The following PRUNE1 variants were observed in gnomAD, a reference collection of about 807,000 sequenced individuals.
PRUNE1 encodes exopolyphosphatase PRUNE1.
PRUNE1 carries 25 observed loss-of-function variants against 42.5 expected under a neutral mutation model. The ratio of observed to expected loss-of-function variants is 0.59; its 90% CI spans 0.43 to 0.82. PRUNE1 has a LOEUF of 0.82. PRUNE1 is among the 40% of genes least tolerant of loss of function. PRUNE1 has a pLI of 0.00. For missense variants in PRUNE1, 443 were observed against 539.3 expected (o/e 0.82, Z 1.77); for synonymous variants, 203 against 217.1 (o/e 0.93, Z 0.57).
intron 1 of PRUNE1, among the ~76,000 whole-genome samples, chr1:151,015,633 CAA>C (rs34251388): frequency 2.2e-3 from 195 of 86,854 alleles, no homozygotes; most frequent in African/African-American, 4.4e-3. Flanking sequence ...GACTCCATCT[CAA>C]AAAAAAAAAA....
chr1:151,013,277 T>G (rs982052877), intron 1 of PRUNE1, among the ~76,000 whole-genome samples: 1 of 152,110 alleles, frequency 6.6e-6, no homozygotes, highest in Admixed American at 6.6e-5. Context: ...GGGGTGACAG[T>G]GGGTGTTGAC....
chr1:151,020,266 C>G (rs1240972475), intron 3 of PRUNE1, among the ~76,000 whole-genome samples: 1 of 150,504 alleles, frequency 6.6e-6, no homozygotes, highest in African/African-American at 2.4e-5. Flanking sequence ...AATCTATAAA[C>G]ATAGTGTGAC....
intron 3 of PRUNE1, among the ~76,000 whole-genome samples, chr1:151,022,475 C>A (rs1222178188): frequency 2.1e-5 from 3 of 145,162 alleles, no homozygotes; most frequent in Admixed American, 7.1e-5. Context: ...CTGGAGTGCA[C>A]TGGCGCGATC....
chr1:151,028,499 C>T (rs587711154), intron 6 of PRUNE1, among the ~76,000 whole-genome samples: 2 of 152,300 alleles, frequency 1.3e-5, no homozygotes, highest in South Asian at 4.1e-4. Flanking sequence ...TCTCAGCTCA[C>T]TGCAACTTCC....
chr1:151,024,410 G>T (rs1404843651), intron 3 of PRUNE1, among the ~76,000 whole-genome samples: 1 of 151,860 alleles, frequency 6.6e-6, no homozygotes, highest in Non-Finnish European at 1.5e-5. Context: ...CAGGAGAATC[G>T]CTTGAACCCG....
intron 3 of PRUNE1, 111 bp from the exon 4 acceptor site, chr1:151,024,500 A>G: frequency 9.1e-7 from 1 of 1,097,394 alleles, no homozygotes; most frequent in Non-Finnish European, 1.3e-6. Flanking sequence ...CGTCTCAAAA[A>G]AAAAAAGACA....
In PRUNE1 at chr1:151,012,768, C is replaced by T. The variant is rs181180503; in HGVS notation, c.39+4097C>T. 6.8e-4 allele frequency among the ~76,000 whole-genome samples: 104 copies of T among 152,158 alleles called. 1 individual carries two copies. The highest frequency in any genetic ancestry group is 4.2e-4 in the South Asian group (2 of 4,818). The stretch of plus-strand genomic sequence containing the variant: ...ATGAAATTGGTTACGATATTATTCT[C>T]ATTTTTTTTGTTTGTTTTTTTGAGA... On this transcript the variant is annotated intron_variant, in intron 1 of 7. Transcript: ENST00000271620.
At chr1:151,018,255 G>T (rs899481324) in intron 2 of PRUNE1, 24 of 736,652 alleles carry the variant, frequency 3.3e-5, no homozygotes, top group Non-Finnish European at 5.6e-5. Flanking sequence ...CTAGAAATAG[G>T]TATTTACCAT....
chr1:151,015,493 G>A (rs145232767), intron 1 of PRUNE1, among the ~76,000 whole-genome samples: 6,412 of 151,950 alleles, frequency 0.042, 444 homozygotes, highest in African/African-American at 0.15. Context: ...AATTAGCCGA[G>A]CATGGTGGCA....
chr1:151,018,559 G>A lies in PRUNE1; in HGVS notation c.225G>A (p.Lys75=). The part of the protein sequence containing the change: ...LRGDIVFFLQ[K]VHIPESILIF... Reference sequence around the variant, plus strand: ...GTGACATTGTCTTCTTTCTTCAGAAGGTTCATATTCCAGAGAGTATCTTGA... The same window carrying A: ...GTGACATTGTCTTCTTTCTTCAGAAAGTTCATATTCCAGAGAGTATCTTGA... The change falls in exon 3 of 8, where the codon AAG becomes AAA. Residue 75 remains lysine, a synonymous_variant. Coordinates refer to ENST00000271620, the MANE Select transcript of PRUNE1 (RefSeq NM_021222.3). 6.2e-7 allele frequency: 1 copy of A among 1,613,974 alleles called. No individual in the cohort carries two copies. Among genetic ancestry groups the A allele is most frequent in the Non-Finnish European group, 8.5e-7 (1 of 1,179,876 alleles).
chr1:151,024,532 G>T (rs1018531836), intron 3 of PRUNE1, 79 bp from the exon 4 acceptor site: 5 of 1,323,826 alleles, frequency 3.8e-6, no homozygotes, highest in East Asian at 2.3e-5. Context: ...CTTGATGTGT[G>T]GGGTAGAGGT....
chr1:151,016,563 G>T (rs1037298508), intron 1 of PRUNE1, among the ~76,000 whole-genome samples: 1 of 151,944 alleles, frequency 6.6e-6, no homozygotes, highest in African/African-American at 2.4e-5. Flanking sequence ...GTGCAAAGGC[G>T]CAATCTCGGC....
At position 151,025,749 on chromosome 1, in the gene PRUNE1, T is replaced by A. The variant is rs913652608; in HGVS notation, c.679+76T>A. 1.6e-4 allele frequency: 233 copies of A among 1,425,478 alleles called. 2 individuals are homozygous for A. In the Middle Eastern group the frequency reaches 2.4e-3, roughly 15 times the overall value. The allele number at this position is 1,425,478 out of a possible 1,614,324, so 88.3% of individuals were successfully genotyped here. ...GCAAGCCTTGTTCATTATATTATTT[T>A]TTTTTTTTTGAGACAGAGTCTTGCT... On this transcript the variant is annotated intron_variant, in intron 5 of 7. Coordinates refer to ENST00000271620, the MANE Select transcript of PRUNE1 (RefSeq NM_021222.3).
intron 3 of PRUNE1, among the ~76,000 whole-genome samples, chr1:151,020,929 C>T (rs1218064417): frequency 6.6e-6 from 1 of 151,342 alleles, no homozygotes; most frequent in Non-Finnish European, 1.5e-5. Context: ...TTTCAGTGAG[C>T]TGAGATCATG....
At chr1:151,027,781 T>TGCGCGCGCGC (rs1553254126) in intron 6 of PRUNE1, among the ~76,000 whole-genome samples, 1 of 142,528 alleles carries the variant, frequency 7.0e-6, no homozygotes, top group African/African-American at 2.7e-5. Context: ...TGTGTGTGTG[T>TGCGCGCGCGC]GCGCGCGCGT....
intron 3 of PRUNE1, among the ~76,000 whole-genome samples, chr1:151,021,078 T>C (rs1309153249): frequency 9.3e-5 from 12 of 129,006 alleles, no homozygotes; most frequent in Non-Finnish European, 1.6e-4. Flanking sequence ...ACCTAGGAGG[T>C]GGAGGTTGCA....
At chr1:151,020,720 G>T (rs1407233731) in intron 3 of PRUNE1, among the ~76,000 whole-genome samples, 2 of 152,134 alleles carry the variant, frequency 1.3e-5, no homozygotes, top group African/African-American at 2.4e-5. Flanking sequence ...GGTGGCTCAT[G>T]CCTGTAATCC....
At chr1:151,020,881 C>T (rs931514099) in intron 3 of PRUNE1, among the ~76,000 whole-genome samples, 4 of 151,672 alleles carry the variant, frequency 2.6e-5, no homozygotes, top group Non-Finnish European at 4.4e-5. Flanking sequence ...ACTCGGGAGT[C>T]TGAGGTAGGA....
At chr1:151,010,276 G>T (rs1225827273) in intron 1 of PRUNE1, among the ~76,000 whole-genome samples, 1 of 151,982 alleles carries the variant, frequency 6.6e-6, no homozygotes, top group African/African-American at 2.4e-5. Context: ...TAGAGACAGG[G>T]TCTCGCCATG....
Sources: allele counts gnomAD v4.1 joint callset (sites outside exome capture counted in the v4.1 genomes callset), GRCh38; gene constraint gnomAD v4.1.1; transcripts MANE v1.5; gene names NCBI Gene and HGNC (gene_info 2026-07-23, HGNC 2026-07-21).